Variants in ST8SIA6 observed in about 807,000 individuals in gnomAD.
ST8SIA6 encodes alpha-2,8-sialyltransferase 8F.
In ST8SIA6, 39 loss-of-function variants were observed where a neutral mutation model predicts 33.6. That is an observed-to-expected ratio of 1.16 (90% CI 0.90 to 1.52). The LOEUF (loss-of-function observed/expected upper bound fraction) is 1.52. Ranked by LOEUF, ST8SIA6 falls within the 40% of genes most tolerant of loss-of-function variation. The pLI, the probability that ST8SIA6 is intolerant of heterozygous loss-of-function variation, is 0.00. For missense variants in ST8SIA6, 441 were observed against 443.8 expected (o/e 0.99, Z 0.06); for synonymous variants, 172 against 167.2 (o/e 1.03, Z -0.22).
chr10:17,373,582 C>G (rs1218662226), intron 3 of ST8SIA6, among the ~76,000 whole-genome samples: 1 of 152,150 alleles, frequency 6.6e-6, no homozygotes. Context: ...TTTAGCCGTT[C>G]GGATGGTCTT....
rs546090349 is a variant in ST8SIA6, at chr10:17,417,145, T to G, written c.201-26525A>C. Among the ~76,000 whole-genome samples, 3 of 150,012 alleles carry G rather than the reference T, an allele frequency of 2.0e-5. No individual in the cohort carries two copies. The South Asian group carries it at 6.3e-4, about 32-fold the overall frequency. ...AAGGAGAGCCAGCACATCACATGGA[T>G]AGAGAGAGAGAGAGAGGAGACAGTG... On this transcript the variant is annotated intron_variant, in intron 2 of 7. Coordinates refer to ENST00000377602, the MANE Select transcript of ST8SIA6 (RefSeq NM_001004470.3).
At chr10:17,441,068 C>T (rs900758637) in intron 2 of ST8SIA6, among the ~76,000 whole-genome samples, 1 of 151,984 alleles carries the variant, frequency 6.6e-6, no homozygotes, top group Admixed American at 6.6e-5. Context: ...TTTTTATATT[C>T]TTAATGGTGT....
At chr10:17,359,831 GTAT>G (rs1372444368) in intron 3 of ST8SIA6, among the ~76,000 whole-genome samples, 1 of 152,066 alleles carries the variant, frequency 6.6e-6, no homozygotes, top group African/African-American at 2.4e-5. Context: ...GCCAAGTGTA[GTAT>G]TAAAAACCGT....
At chr10:17,440,459 G>A (rs61844071) in intron 2 of ST8SIA6, among the ~76,000 whole-genome samples, 5,970 of 152,120 alleles carry the variant, frequency 0.039, 169 homozygotes, top group South Asian at 0.057. Context: ...ACCTGCCCCG[G>A]CCTCCCAAAG....
intron 2 of ST8SIA6, among the ~76,000 whole-genome samples, chr10:17,425,026 G>A (rs1289266076): frequency 6.6e-6 from 1 of 151,860 alleles, no homozygotes; most frequent in Non-Finnish European, 1.5e-5. Context: ...GAGCCACCAC[G>A]CCCAGCCACC....
At chr10:17,413,538 A>G (rs974761706) in intron 2 of ST8SIA6, 8 of 152,180 alleles carry the variant, frequency 5.3e-5, no homozygotes, top group African/African-American at 1.9e-4. Flanking sequence ...TGATACCTGG[A>G]AAACACCAAA....
At chr10:17,416,159 T>C (rs1851601936) in intron 2 of ST8SIA6, among the ~76,000 whole-genome samples, 1 of 152,064 alleles carries the variant, frequency 6.6e-6, no homozygotes, top group African/African-American at 2.4e-5. Context: ...CAACTGCTCC[T>C]CTTCCCTGAA....
intron 3 of ST8SIA6, 143 bp from the exon 4 acceptor site, chr10:17,359,743 T>A (rs1003196959): frequency 2.7e-5 from 13 of 478,456 alleles, no homozygotes; most frequent in African/African-American, 2.2e-4. Context: ...ATCATACTCA[T>A]TTCAAAACAC....
At chr10:17,329,744 A>G (rs1381229106) in intron 5 of ST8SIA6, among the ~76,000 whole-genome samples, 2 of 152,200 alleles carry the variant, frequency 1.3e-5, no homozygotes, top group Non-Finnish European at 2.9e-5. Flanking sequence ...ATGCTTTAGT[A>G]TCTCATGTTC....
chr10:17,416,604 C>T (rs77610539), intron 2 of ST8SIA6, among the ~76,000 whole-genome samples: 300 of 152,198 alleles, frequency 2.0e-3, no homozygotes, highest in African/African-American at 6.9e-3. Flanking sequence ...CTGTCCTTCT[C>T]TTCTCTCCTA....
intron 2 of ST8SIA6, among the ~76,000 whole-genome samples, chr10:17,401,744 C>A (rs1206081023): frequency 6.6e-6 from 1 of 152,180 alleles, no homozygotes; most frequent in Non-Finnish European, 1.5e-5. Flanking sequence ...AAAGCTGAAA[C>A]TGGATCCCTT....
At chr10:17,327,210 CT>C in intron 5 of ST8SIA6, 84 bp from the exon 6 acceptor site, 1 of 989,466 alleles carries the variant, frequency 1.0e-6, no homozygotes. Context: ...TAACTTAACT[CT>C]TTATACATGC....
At chr10:17,412,445 A>G (rs1162720060) in intron 2 of ST8SIA6, among the ~76,000 whole-genome samples, 1 of 152,132 alleles carries the variant, frequency 6.6e-6, no homozygotes, top group Non-Finnish European at 1.5e-5. Flanking sequence ...CTGAAACCAT[A>G]CTATTCCTGC....
Position 17,405,800 on chromosome 10 carries a change from T to G in ST8SIA6, c.201-15180A>C, listed in dbSNP as rs1367210558. ...AGGAGACTGAGGCAGGAGAATTACT[T>G]GAATCCAGGAGGTGGAGGTTGCAGT... On this transcript the variant is annotated intron_variant, in intron 2 of 7. Coordinates refer to ENST00000377602, the MANE Select transcript of ST8SIA6 (RefSeq NM_001004470.3). Among the ~76,000 whole-genome samples the G allele has an allele frequency of 4.0e-5, 6 of 149,908 alleles. No homozygotes were observed. The South Asian group carries it at 1.1e-3, about 26-fold the overall frequency.
intron 3 of ST8SIA6, among the ~76,000 whole-genome samples, chr10:17,371,228 C>G (rs1438168341): frequency 6.6e-6 from 1 of 152,120 alleles, no homozygotes; most frequent in Admixed American, 6.5e-5. Context: ...AGAGGGAATT[C>G]CAGGACATCA....
Position 17,398,917 on chromosome 10 carries a change from G to T in ST8SIA6, c.201-8297C>A, listed in dbSNP as rs10159864. 5.9e-3 allele frequency among the ~76,000 whole-genome samples: 890 copies of T among 151,966 alleles called. 5 individuals carry two copies. Among genetic ancestry groups the T allele is most frequent in the Admixed American group, 0.014 (209 of 15,282 alleles). On this transcript the variant is annotated intron_variant, in intron 2 of 7. Transcript: ENST00000377602. The stretch of plus-strand genomic sequence containing the variant: ...CAGCTCATTAAGCAAACTTCTAATT[G>T]TAATGTAGCCACCGCCCCTGCAACA...
intron 3 of ST8SIA6, among the ~76,000 whole-genome samples, chr10:17,381,043 T>TC (rs1850134167): frequency 6.7e-6 from 1 of 148,460 alleles, no homozygotes; most frequent in Admixed American, 6.8e-5. Context: ...TTTTTTTTTT[T>TC]CTTTATCTTC....
intron 3 of ST8SIA6, among the ~76,000 whole-genome samples, chr10:17,372,034 C>T (rs1336644691): frequency 1.3e-5 from 2 of 152,042 alleles, no homozygotes; most frequent in Non-Finnish European, 1.5e-5. Context: ...CTATGCTTGC[C>T]ATGGTATTGG....
At chr10:17,371,465 G>A (rs1849729201) in intron 3 of ST8SIA6, among the ~76,000 whole-genome samples, 1 of 152,028 alleles carries the variant, frequency 6.6e-6, no homozygotes, top group Admixed American at 6.6e-5. Context: ...CAAAAATAAG[G>A]AGACGTGAGA....
Sources: allele counts gnomAD v4.1 joint callset (sites outside exome capture counted in the v4.1 genomes callset), GRCh38; gene constraint gnomAD v4.1.1; transcripts MANE v1.5; gene names NCBI Gene and HGNC (gene_info 2026-07-23, HGNC 2026-07-21).